Variants in TRPM1 observed in about 807,000 individuals in gnomAD.
TRPM1 encodes the protein TRPM1-203 APA Isoform, Intron 10.
Under a neutral mutation model 149.4 loss-of-function variants are expected in TRPM1, and 113 were observed. The observed-to-expected ratio is 0.76, with a 90% CI of 0.65 to 0.88. The LOEUF (loss-of-function observed/expected upper bound fraction) is 0.88, where lower values mean the gene tolerates loss of function less well. Ranked by LOEUF, TRPM1 falls within the 40% of genes least tolerant of loss-of-function variation. The pLI, the probability that TRPM1 is intolerant of heterozygous loss-of-function variation, is 0.00. For missense variants in TRPM1, 1,976 were observed against 2,038.7 expected, an observed-to-expected ratio of 0.97 and a Z score of 0.59; for synonymous variants, 741 against 759.5, an observed-to-expected ratio of 0.98 and a Z score of 0.40.
intron 1 of TRPM1, among the ~76,000 whole-genome samples, chr15:31,139,805 G>A (rs143903977): frequency 1.3e-5 from 2 of 152,314 alleles, no homozygotes; most frequent in Non-Finnish European, 2.9e-5. Context: ...GGCTAACTTT[G>A]TGTAACCAGC....
At chr15:31,113,389 A>C (rs924628945) in intron 1 of TRPM1, among the ~76,000 whole-genome samples, 6 of 151,724 alleles carry the variant, frequency 4.0e-5, no homozygotes, top group African/African-American at 9.7e-5. Context: ...GGGTTCTCCA[A>C]AGGGTCACCT....
chr15:31,132,297 G>A (rs902777456), intron 1 of TRPM1, among the ~76,000 whole-genome samples: 1 of 152,178 alleles, frequency 6.6e-6, no homozygotes, highest in South Asian at 2.1e-4. Flanking sequence ...TCCATGGCCC[G>A]TTTCCCACAG....
chr15:31,032,195 A>C (rs886254913), intron 22 of TRPM1, among the ~76,000 whole-genome samples: 2 of 152,004 alleles, frequency 1.3e-5, no homozygotes, highest in Non-Finnish European at 2.9e-5. Context: ...ATGTTCTCTT[A>C]TGTCCTGGGA....
intron 27 of TRPM1, among the ~76,000 whole-genome samples, chr15:31,019,610 C>T (rs1194314715): frequency 6.6e-6 from 1 of 152,222 alleles, no homozygotes; most frequent in African/African-American, 2.4e-5. Flanking sequence ...CCATATTGGT[C>T]AGGTTGGTCT....
intron 1 of TRPM1, among the ~76,000 whole-genome samples, chr15:31,096,551 A>G (rs2035389821): frequency 6.6e-6 from 1 of 152,122 alleles, no homozygotes; most frequent in Non-Finnish European, 1.5e-5. Flanking sequence ...CTCACTCCGA[A>G]AAGCACAGCA....
intron 1 of TRPM1, among the ~76,000 whole-genome samples, chr15:31,113,479 A>G (rs891284140): frequency 5.3e-5 from 8 of 151,918 alleles, no homozygotes; most frequent in Admixed American, 3.3e-4. Context: ...AAAATGGGTC[A>G]AACAATATCT....
intron 1 of TRPM1, among the ~76,000 whole-genome samples, chr15:31,141,985 C>T (rs1340688930): frequency 6.6e-6 from 1 of 152,148 alleles, no homozygotes; most frequent in East Asian, 1.9e-4. Context: ...CTCTGGGAGT[C>T]TGAGGCAGGA....
intron 27 of TRPM1, among the ~76,000 whole-genome samples, chr15:31,016,984 CACACAAAAAA>C (rs982681192): frequency 8.3e-5 from 8 of 96,014 alleles, no homozygotes; most frequent in Admixed American, 7.3e-4. Flanking sequence ...CACACACACA[CACACAAAAAA>C]AAAACTTGTT....
chr15:31,082,716 T>C (rs1043229053), intron 1 of TRPM1, among the ~76,000 whole-genome samples: 1 of 152,168 alleles, frequency 6.6e-6, no homozygotes, highest in African/African-American at 2.4e-5. Flanking sequence ...AAGAAAGAAA[T>C]ATCTGCTACA....
intron 1 of TRPM1, among the ~76,000 whole-genome samples, chr15:31,113,590 G>T (rs560293223): frequency 2.6e-5 from 4 of 152,052 alleles, no homozygotes; most frequent in Admixed American, 6.5e-5. Context: ...TACAACTGCA[G>T]GTTTGTTACA....
At chr15:31,106,195 G>C (rs1035797819), upstream of TRPM1, among the ~76,000 whole-genome samples, 1 of 149,990 alleles carries the variant, frequency 6.7e-6, no homozygotes, top group Admixed American at 6.7e-5. Context: ...CTGGAGTGCA[G>C]TGGTGCAATC....
intron 5 of TRPM1, among the ~76,000 whole-genome samples, chr15:31,067,438 A>G (rs992592913): frequency 1.3e-5 from 2 of 152,306 alleles, no homozygotes; most frequent in Middle Eastern, 3.4e-3. Flanking sequence ...TCCTTTACAG[A>G]TGTCTAAGGC....
At chr15:31,024,180 G>T (rs974781781) in intron 27 of TRPM1, among the ~76,000 whole-genome samples, 1 of 152,118 alleles carries the variant, frequency 6.6e-6, no homozygotes, top group African/African-American at 2.4e-5. Context: ...AGAAGAGCAG[G>T]AAAATCATCA....
At position 31,037,844 on chromosome 15, in the gene TRPM1, T is replaced by C. The variant is rs762634272; in HGVS notation, c.2440-2A>G. 8.1e-6 allele frequency: 13 copies of C among 1,613,988 alleles called. No individual in the cohort carries two copies. Among genetic ancestry groups the C allele is most frequent in the Non-Finnish European group, 1.0e-5 (12 of 1,179,998 alleles). On this transcript the variant is annotated splice_acceptor_variant, in intron 19 of 27. Coordinates refer to ENST00000256552, the MANE Select transcript of TRPM1 (RefSeq NM_001252024.2). LOFTEE classifies it high-confidence loss of function. ...TGAGCCAGCATCTGCATTTGCATCC[T>C]GGAAAACAGAGCACAGCACATGACA... is the stretch of plus-strand genomic sequence containing the variant.
chr15:31,067,809 A>G, intron 5 of TRPM1, 70 bp downstream of exon 5: 1 of 1,462,214 alleles, frequency 6.8e-7, no homozygotes, highest in South Asian at 1.1e-5. Context: ...GTTATTAGGA[A>G]GCTCTTTGGG....
At chr15:31,025,560 G>A (rs2032695455) in intron 27 of TRPM1, among the ~76,000 whole-genome samples, 2 of 152,140 alleles carry the variant, frequency 1.3e-5, no homozygotes, top group Admixed American at 1.3e-4. Context: ...TGGGTACTGC[G>A]GATGTGAAGG....
chr15:31,050,517 C>T lies in TRPM1; in HGVS notation c.1329G>A (p.Met443Ile), dbSNP rs1444812835. 1 of 1,614,066 alleles carries T rather than the reference C, an allele frequency of 6.2e-7. No individual in the cohort carries two copies. Among genetic ancestry groups the T allele is most frequent in the Non-Finnish European group, 8.5e-7 (1 of 1,180,036 alleles). ...KATEKEKKPP[M>I]ATTKGGRGKG... ...TTCCTCTTCCTCCCTTGGTGGTGGCCATGGGTGGCTTCTTCTCCTTCTCCG... is the reference window on the plus strand; with the variant it reads ...TTCCTCTTCCTCCCTTGGTGGTGGCTATGGGTGGCTTCTTCTCCTTCTCCG... The change falls in exon 12 of 28, where the codon ATG becomes ATA. Residue 443 changes from methionine (M) to isoleucine (I), a missense_variant. Coordinates refer to ENST00000256552, the MANE Select transcript of TRPM1 (RefSeq NM_001252024.2).
At chr15:31,113,005 C>A (rs1162295585) in intron 1 of TRPM1, among the ~76,000 whole-genome samples, 1 of 152,180 alleles carries the variant, frequency 6.6e-6, no homozygotes, top group Admixed American at 6.5e-5. Context: ...ATCTGAGGTG[C>A]CGGTAAGTGT....
intron 27 of TRPM1, among the ~76,000 whole-genome samples, chr15:31,018,286 G>A (rs1342286122): frequency 1.3e-5 from 2 of 152,100 alleles, no homozygotes; most frequent in Admixed American, 6.5e-5. Context: ...CCTGACCTCA[G>A]GTGATCTGCC....
Sources: gnomAD v4.1 joint callset for allele counts (sites outside exome capture counted in the v4.1 genomes callset) on GRCh38, gnomAD v4.1.1 for gene constraint, MANE v1.5 for transcripts, NCBI Gene and HGNC (gene_info 2026-07-23, HGNC 2026-07-21) for gene names.